The following MAN2A1 variants were observed in gnomAD, a reference collection of about 807,000 sequenced individuals.
MAN2A1 encodes the protein alpha-mannosidase 2.
A neutral mutation model predicts 142.6 loss-of-function variants in MAN2A1; 76 were observed. The observed-to-expected ratio is 0.53, with a 90% CI of 0.44 to 0.65. The LOEUF (loss-of-function observed/expected upper bound fraction) is 0.65, where lower values mean the gene tolerates loss of function less well. Among genes scored for constraint, MAN2A1 ranks in the 30% least tolerant of loss-of-function variants. MAN2A1 has a pLI of 0.00. For synonymous variants in MAN2A1, 559 were observed against 473.2 expected (o/e 1.18, Z -2.35); for missense variants, 1,311 against 1,365.1 (o/e 0.96, Z 0.62).
intron 7 of MAN2A1, among the ~76,000 whole-genome samples, chr5:109,771,678 T>G (rs915905495): frequency 6.6e-6 from 1 of 152,146 alleles, no homozygotes; most frequent in Non-Finnish European, 1.5e-5. Flanking sequence ...TAAGCCAGTA[T>G]ATTGTGTGGT....
At position 109,844,319 on chromosome 5, in the gene MAN2A1, T is replaced by A. The variant is rs918727872; in HGVS notation, c.2701-1546T>A. On this transcript the variant is annotated intron_variant, in intron 17 of 21. Coordinates refer to ENST00000261483, the MANE Select transcript of MAN2A1 (RefSeq NM_002372.4). Reference sequence around the variant, plus strand: ...ACCATTTTTTAAGCTTTGGATATAGTAGTACTTGGGCAAAACTAGGTATCT... The same window carrying A: ...ACCATTTTTTAAGCTTTGGATATAGAAGTACTTGGGCAAAACTAGGTATCT... 5.3e-5 allele frequency among the ~76,000 whole-genome samples: 8 copies of A among 152,312 alleles called. No individual in the cohort carries two copies. In the East Asian group the frequency reaches 1.5e-3, roughly 29 times the overall value.
At chr5:109,761,296 G>T (rs960184792) in intron 5 of MAN2A1, among the ~76,000 whole-genome samples, 10 of 151,572 alleles carry the variant, frequency 6.6e-5, no homozygotes, top group Admixed American at 3.9e-4. Context: ...GGTCTTTCTT[G>T]TTCCAGATTT....
intron 12 of MAN2A1, among the ~76,000 whole-genome samples, chr5:109,811,770 C>T (rs556423865): frequency 9.2e-5 from 14 of 152,120 alleles, no homozygotes; most frequent in Non-Finnish European, 1.9e-4. Flanking sequence ...TATTCATATT[C>T]ATAAGTTTAT....
Position 109,842,442 on chromosome 5 carries a change from C to G in MAN2A1, c.2681C>G (p.Thr894Ser). The change falls in exon 17 of 22, where the codon ACT becomes AGT. Residue 894 changes from threonine (T) to serine (S), a missense_variant. Coordinates refer to ENST00000261483, the MANE Select transcript of MAN2A1 (RefSeq NM_002372.4). Reference protein sequence around the residue: ...SDIKSQNRFYTDLNGYQIQPR... With the variant: ...SDIKSQNRFYSDLNGYQIQPR... The stretch of plus-strand genomic sequence containing the variant: ...ATAAAAAGCCAAAATAGATTTTATA[C>G]TGACCTAAATGGGTACCAGGTAATT... 6.4e-7 allele frequency: 1 copy of G among 1,573,678 alleles called. No individual in the cohort carries two copies. The highest frequency in any genetic ancestry group is 8.7e-7 in the Non-Finnish European group (1 of 1,147,520).
chr5:109,808,287 A>G (rs1394088800), intron 12 of MAN2A1, among the ~76,000 whole-genome samples: 1 of 152,176 alleles, frequency 6.6e-6, no homozygotes, highest in Non-Finnish European at 1.5e-5. Flanking sequence ...TAAACACGTA[A>G]CTTCCTGTAG....
At chr5:109,834,883 G>A (rs147924976) in intron 16 of MAN2A1, among the ~76,000 whole-genome samples, 2 of 152,160 alleles carry the variant, frequency 1.3e-5, no homozygotes, top group African/African-American at 4.8e-5. Context: ...ATAATGAATG[G>A]TAAATTGAGT....
chr5:109,717,770 T>C (rs1262161294), intron 3 of MAN2A1, among the ~76,000 whole-genome samples: 1 of 152,150 alleles, frequency 6.6e-6, no homozygotes, highest in Middle Eastern at 3.2e-3. Flanking sequence ...ATCTGTAAAA[T>C]GGAGATCATA....
chr5:109,836,303 GAC>G (rs2112749241), intron 16 of MAN2A1, among the ~76,000 whole-genome samples: 1 of 151,686 alleles, frequency 6.6e-6, no homozygotes, highest in South Asian at 2.1e-4. Context: ...TTTTAGTAAA[GAC>G]AGTGTTTCGC....
Position 109,690,177 on chromosome 5 carries a change from G to C in MAN2A1, c.-241G>C, listed in dbSNP as rs1750622278. On this transcript the variant is annotated 5_prime_UTR_variant, in exon 1 of 22. Coordinates refer to ENST00000261483, the MANE Select transcript of MAN2A1 (RefSeq NM_002372.4). ...GGCCCCCCTTCCCAGTTGCCGGCGA[G>C]TCTCGCCTCGAGAGGGGCGCCCGAC... 1 of 480,526 alleles carries C rather than the reference G, an allele frequency of 2.1e-6. No individual in the cohort carries two copies. The highest frequency in any genetic ancestry group is 3.8e-6 in the Non-Finnish European group (1 of 265,286). 29.8% of individuals were successfully genotyped at this position (480,526 alleles called of 1,614,324 possible). A position where few individuals can be genotyped will look rare whatever the true frequency, so the allele number is the denominator to read the frequency against.
chr5:109,743,986 C>T (rs1032278923), intron 4 of MAN2A1, among the ~76,000 whole-genome samples: 4 of 152,134 alleles, frequency 2.6e-5, no homozygotes, highest in Non-Finnish European at 5.9e-5. Context: ...AGACACATGC[C>T]GTTTTGTGCT....
intron 3 of MAN2A1, among the ~76,000 whole-genome samples, chr5:109,726,075 T>A (rs1237474823): frequency 6.6e-6 from 1 of 152,164 alleles, no homozygotes; most frequent in Admixed American, 6.5e-5. Flanking sequence ...TGAAAGGTAT[T>A]CTTAATGCTG....
chr5:109,772,993 G>A (rs189855478), intron 7 of MAN2A1, among the ~76,000 whole-genome samples: 17 of 152,246 alleles, frequency 1.1e-4, no homozygotes, highest in Admixed American at 9.8e-4. Context: ...TGACCGTCAC[G>A]TGATTTGATG....
At chr5:109,697,950 T>A (rs1378060681) in intron 1 of MAN2A1, among the ~76,000 whole-genome samples, 2 of 152,228 alleles carry the variant, frequency 1.3e-5, no homozygotes, top group African/African-American at 4.8e-5. Flanking sequence ...ACTTTGATGC[T>A]AGAGCATCGA....
chr5:109,754,725 G>A (rs1752641083), intron 4 of MAN2A1, among the ~76,000 whole-genome samples: 1 of 152,194 alleles, frequency 6.6e-6, no homozygotes, highest in South Asian at 2.1e-4. Context: ...ATATGGGCTG[G>A]GCGTGGTGGC....
chr5:109,768,707 G>A (rs543375068), intron 6 of MAN2A1, among the ~76,000 whole-genome samples: 3 of 151,998 alleles, frequency 2.0e-5, no homozygotes, highest in African/African-American at 7.2e-5. Flanking sequence ...ATGTACTCCT[G>A]TTTTTTTCAG....
At chr5:109,708,967 A>G (rs1440630471) in intron 1 of MAN2A1, among the ~76,000 whole-genome samples, 1 of 152,176 alleles carries the variant, frequency 6.6e-6, no homozygotes, top group Non-Finnish European at 1.5e-5. Context: ...ACACTCTCAC[A>G]GATACACCTG....
At chr5:109,797,254 A>AT (rs1753887713) in intron 12 of MAN2A1, among the ~76,000 whole-genome samples, 3 of 152,140 alleles carry the variant, frequency 2.0e-5, no homozygotes, top group African/African-American at 7.2e-5. Flanking sequence ...CCAGATGAAA[A>AT]TTTTTTTAAA....
intron 12 of MAN2A1, among the ~76,000 whole-genome samples, chr5:109,814,624 T>A (rs1754403802): frequency 6.6e-6 from 1 of 152,194 alleles, no homozygotes; most frequent in African/African-American, 2.4e-5. Flanking sequence ...GATAATTACA[T>A]AATCATTCAG....
intron 12 of MAN2A1, among the ~76,000 whole-genome samples, chr5:109,806,947 A>G (rs527243313): frequency 1.3e-5 from 2 of 152,328 alleles, no homozygotes; most frequent in East Asian, 3.9e-4. Flanking sequence ...AAACTTTCAT[A>G]TATTAGGAAG....
Sources: gnomAD v4.1 joint callset for allele counts (sites outside exome capture counted in the v4.1 genomes callset) on GRCh38, gnomAD v4.1.1 for gene constraint, MANE v1.5 for transcripts, NCBI Gene and HGNC (gene_info 2026-07-23, HGNC 2026-07-21) for gene names.